The following KCNH2 variants were observed in gnomAD, a reference collection of about 807,000 sequenced individuals.
KCNH2 encodes the protein potassium voltage-gated channel subfamily H member 2, also known as voltage-gated inwardly rectifying potassium channel KCNH2.
In KCNH2, 35 loss-of-function variants were observed where a neutral mutation model predicts 95.9. That is an observed-to-expected ratio of 0.37 (90% CI 0.28 to 0.48). The LOEUF is 0.48. Ranked by LOEUF, KCNH2 falls within the 20% of genes least tolerant of loss-of-function variation. The pLI is 0.99. For synonymous variants in KCNH2, 786 were observed against 754.7 expected (o/e 1.04, Z -0.68); for missense variants, 1,274 against 1,702.9 (o/e 0.75, Z 4.43).
chr7:150,974,705 T>A lies in KCNH2; in HGVS notation c.307+6A>T. 7.4e-7 allele frequency: 1 copy of A among 1,356,344 alleles called. No individual in the cohort carries two copies. The highest frequency in any genetic ancestry group is 9.8e-7 in the Non-Finnish European group (1 of 1,023,834). 84.0% of individuals were successfully genotyped at this position (1,356,344 alleles called of 1,614,324 possible). A position where few individuals can be genotyped will look rare whatever the true frequency, so the allele number is the denominator to read the frequency against. On this transcript the variant is annotated splice_donor_region_variant and intron_variant, in intron 2 of 14. Transcript: ENST00000262186. ...TGGTCGTGGCCCCGCCCCGGCCCGC[T>A]CCTACCATCTTTCCGGTAGAAGGCG...
rs555189954 is a variant in KCNH2, at chr7:150,945,891, A to C, written c.3331-377T>G. On this transcript the variant is annotated intron_variant, in intron 14 of 14. Transcript: ENST00000262186. The surrounding 1 kb of genome is among the most constrained non-coding windows in gnomAD (Gnocchi z 5.6). ...AAGCTGGGACAGAAAAAGAGACAAG[A>C]TTCCTTCCCGCAATCCAGAAAGAAC... Among the ~76,000 whole-genome samples the C allele has an allele frequency of 7.2e-5, 11 of 152,250 alleles. No individual in the cohort carries two copies. The East Asian group carries it at 2.1e-3, about 29-fold the overall frequency.
intron 4 of KCNH2, 75 bp downstream of exon 4, chr7:150,957,984 A>C: frequency 1.7e-6 from 2 of 1,175,112 alleles, no homozygotes; most frequent in Non-Finnish European, 2.2e-6. Context: ...TCAGAAGCCG[A>C]GGGCCCAGAA....
At chr7:150,949,071 G>C in intron 9 of KCNH2, 22 bp from the exon 10 acceptor site, 1 of 1,610,100 alleles carries the variant, frequency 6.2e-7, no homozygotes, top group South Asian at 1.1e-5. Context: ...GGAGAGGACA[G>C]GGAGCTCAGC....
In KCNH2 at chr7:150,945,324, T is replaced by C. The variant is rs1177132275; in HGVS notation, c.*41A>G. The C allele has an allele frequency of 6.4e-7, 1 of 1,567,154 alleles. No homozygotes were observed. Among genetic ancestry groups the C allele is most frequent in the Non-Finnish European group, 8.7e-7 (1 of 1,155,926 alleles). ...CAAGGGGAGCGGCCCAGCAGCGCCTTGATCCCTGGGTGAGCCACGTGTCCA... is the reference window on the plus strand; with the variant it reads ...CAAGGGGAGCGGCCCAGCAGCGCCTCGATCCCTGGGTGAGCCACGTGTCCA... On this transcript the variant is annotated 3_prime_UTR_variant, in exon 15 of 15. Transcript: ENST00000262186. This position sits in a 1 kb window ranked among gnomAD's most constrained non-coding sequence, Gnocchi z 5.6.
rs199472874 is a variant in KCNH2, at chr7:150,958,221, G to T, written c.754C>A (p.Arg252=). The T allele has an allele frequency of 2.2e-6, 3 of 1,371,692 alleles. No homozygotes were observed. The East Asian group carries it at 9.4e-5, about 43-fold the overall frequency. 85.0% of individuals were successfully genotyped at this position (1,371,692 alleles called of 1,614,324 possible). ...GCGTCGGGGTTGAGGCTGTGCGCCC[G>T]GGGCGATGGGAGCTGGCCGGGCGCG... The part of the protein sequence containing the change: ...RSAPGQLPSP[R]AHSLNPDASG... Residue 252 remains arginine (R), a synonymous_variant, in exon 4 of 15, where the codon CGG becomes AGG. Coordinates refer to ENST00000262186, the MANE Select transcript of KCNH2 (RefSeq NM_000238.4).
chr7:150,948,657 G>C, intron 10 of KCNH2, 114 bp from the exon 11 acceptor site: 1 of 1,164,474 alleles, frequency 8.6e-7, no homozygotes, highest in Non-Finnish European at 1.3e-6. Flanking sequence ...CCAGCTCTGG[G>C]AAAACCCTTC....
intron 10 of KCNH2, 118 bp downstream of exon 10, chr7:150,948,738 C>T: frequency 1.8e-6 from 2 of 1,133,274 alleles, no homozygotes; most frequent in Non-Finnish European, 2.6e-6. Context: ...TCTATGATAC[C>T]ATTTGACAGA....
intron 5 of KCNH2, among the ~76,000 whole-genome samples, chr7:150,954,017 C>T (rs980157822): frequency 6.6e-6 from 1 of 152,246 alleles, no homozygotes; most frequent in Non-Finnish European, 1.5e-5. Flanking sequence ...GCTGGGAGAA[C>T]ATCTCCTTAG....
rs199472864 is a variant in KCNH2, at chr7:150,959,622, G to A, written c.422C>T (p.Pro141Leu). The A allele has an allele frequency of 1.0e-4, 167 of 1,614,050 alleles. No individual in the cohort carries two copies. In the Admixed American group the frequency reaches 1.4e-3, roughly 14 times the overall value. Reference protein sequence around the residue: ...VVMEKDMVGSPAHDTNHRGPP... With the variant: ...VVMEKDMVGSLAHDTNHRGPP... ...GCCCCGGTGGTTGGTGTCATGAGCC[G>A]GGGACCCCACCATGTCCTTCTCCAT... The change falls in exon 3 of 15, where the codon CCG (proline) becomes CTG (leucine). Residue 141 changes from proline to leucine, a missense_variant. Physicochemically the swap from Pro to Leu is moderately conservative, Grantham distance 98 (BLOSUM62 -3). Around this residue, in one of 7 missense-constraint regions of KCNH2, gnomAD observed 392 missense variants for 429.9 expected, o/e 0.91. Transcript: ENST00000262186.
At position 150,957,401 on chromosome 7, in the gene KCNH2, A is replaced by T; in HGVS notation, c.1018T>A (p.Phe340Ile). Reference sequence around the variant, plus strand: ...AAGGGGTCGCCCTTGAGGTCCACAAAGTTGAGGGTGATTTGGGGAATCTTG... The same window carrying T: ...AAGGGGTCGCCCTTGAGGTCCACAATGTTGAGGGTGATTTGGGGAATCTTG... ...ISKIPQITLN[F>I]VDLKGDPFLA... The change falls in exon 5 of 15, where the codon TTT becomes ATT. Residue 340 changes from phenylalanine (F) to isoleucine (I), a missense_variant. Transcript: ENST00000262186. 1 of 1,614,196 alleles carries T rather than the reference A, an allele frequency of 6.2e-7. No homozygotes were observed. The highest frequency in any genetic ancestry group is 8.5e-7 in the Non-Finnish European group (1 of 1,180,020).
At position 150,958,244 on chromosome 7, in the gene KCNH2, G is replaced by C. The variant is rs748762712; in HGVS notation, c.731C>G (p.Ala244Gly). The change falls in exon 4 of 15, where the codon GCG becomes GGG. Residue 244 changes from alanine (A) to glycine (G), a missense_variant. This residue lies in a region of KCNH2 where 392 missense variants were observed against 429.9 expected (regional missense o/e 0.91). Coordinates refer to ENST00000262186, the MANE Select transcript of KCNH2 (RefSeq NM_000238.4). ...CCGGGGCGATGGGAGCTGGCCGGGC[G>C]CGCTGCGGGGCGGAGAGCCGGGACC... ...LVGPGSPPRS[A>G]PGQLPSPRAH... The C allele has an allele frequency of 3.2e-5, 45 of 1,405,146 alleles. No individual in the cohort carries two copies. The highest frequency in any genetic ancestry group is 4.1e-5 in the Non-Finnish European group (44 of 1,082,966). The allele number at this position is 1,405,146 out of a possible 1,614,324, so 87.0% of individuals were successfully genotyped here.
Position 150,949,509 on chromosome 7 carries a change from C to T in KCNH2, c.2399-460G>A, listed in dbSNP as rs1801051974. On this transcript the variant is annotated intron_variant, in intron 9 of 14. Coordinates refer to ENST00000262186, the MANE Select transcript of KCNH2 (RefSeq NM_000238.4). ...CTAGAATGAACCACATGCAGTAAGG[C>T]CCAGTGTTATGTAGTGAAACTTTGA... The T allele has an allele frequency of 6.4e-6, 5 of 778,372 alleles. No homozygotes were observed. The South Asian group carries it at 1.6e-4, about 24-fold the overall frequency. The allele number at this position is 778,372 out of a possible 1,614,324, so 48.2% of individuals were successfully genotyped here.
intron 1 of KCNH2, among the ~76,000 whole-genome samples, chr7:150,975,264 C>T (rs1461977837): frequency 6.6e-6 from 1 of 152,152 alleles, no homozygotes; most frequent in African/African-American, 2.4e-5. Flanking sequence ...GTCAGCAACG[C>T]GTGTCAGCAG....
Position 150,952,658 on chromosome 7 carries a change from C to T in KCNH2, c.1324G>A (p.Ala442Thr). ...LLKETEEGPP[A>T]TECGYACQPL... ...TGGCAGGCGTAGCCACACTCGGTAG[C>T]AGGCGGGCCTTCTTCCGTCTCCTTC... Residue 442 changes from alanine to threonine, a missense_variant, in exon 6 of 15, where the codon GCT (alanine) becomes ACT (threonine). By Grantham distance (58) the Ala-to-Thr change is moderately conservative. Around this residue, in one of 7 missense-constraint regions of KCNH2, gnomAD observed 147 missense variants for 344.4 expected, o/e 0.43. Transcript: ENST00000262186. This position sits in a 1 kb window ranked among gnomAD's most constrained non-coding sequence, Gnocchi z 7.3. The T allele has an allele frequency of 6.2e-7, 1 of 1,614,202 alleles. No homozygotes were observed. Among genetic ancestry groups the T allele is most frequent in the Non-Finnish European group, 8.5e-7 (1 of 1,180,030 alleles).
At chr7:150,955,307 T>G in intron 5 of KCNH2, 1 of 1,319,816 alleles carries the variant, frequency 7.6e-7, no homozygotes. Flanking sequence ...AGCAGCCCTC[T>G]CCCCAGCCTG....
rs199473009 is a variant in KCNH2, at chr7:150,947,800, C to A, written c.2771G>T (p.Gly924Val). The A allele has an allele frequency of 2.0e-6, 3 of 1,530,568 alleles. No individual in the cohort carries two copies. Among genetic ancestry groups the A allele is most frequent in the Non-Finnish European group, 2.6e-6 (3 of 1,143,600 alleles). The allele number at this position is 1,530,568 out of a possible 1,614,324, so 94.8% of individuals were successfully genotyped here. A position where few individuals can be genotyped will look rare whatever the true frequency, so the allele number is the denominator to read the frequency against. Residue 924 changes from glycine to valine, a missense_variant, in exon 12 of 15, where the codon GGG (glycine) becomes GTG (valine). Physicochemically the swap from Gly to Val is moderately radical, Grantham distance 109. Transcript: ENST00000262186. The part of the protein sequence containing the change: ...GAGPSSRGRP[G>V]GPWGESPSSG... ...GGACGGGCTCTCCCCCCACGGCCCC[C>A]CCGGCCGGCCCCGGCTACTCGGCCC...
chr7:150,951,429 C>T lies in KCNH2; in HGVS notation c.1945+19G>A, dbSNP rs758890678. On this transcript the variant is annotated intron_variant, in intron 7 of 14. Coordinates refer to ENST00000262186, the MANE Select transcript of KCNH2 (RefSeq NM_000238.4). ...TCCACCGTGGGCTCTCCCCGCCGCC[C>T]GCCCCTGGGCACACTCACAGCCAAT... The T allele has an allele frequency of 3.7e-6, 6 of 1,613,502 alleles. No homozygotes were observed. The highest frequency in any genetic ancestry group is 1.1e-5 in the South Asian group (1 of 91,064).
chr7:150,951,907 C>A, intron 6 of KCNH2, 72 bp from the exon 7 acceptor site: 5 of 1,410,552 alleles, frequency 3.5e-6, no homozygotes, highest in Middle Eastern at 2.1e-4. Context: ...GGTGCTGCGG[C>A]CCTCAGAGCG....
intron 2 of KCNH2, among the ~76,000 whole-genome samples, chr7:150,968,133 G>A (rs964791438): frequency 1.3e-5 from 2 of 152,346 alleles, no homozygotes; most frequent in Middle Eastern, 3.4e-3. Flanking sequence ...ATAATGTCGA[G>A]AGTGGCCAAG....
Sources: allele counts gnomAD v4.1 joint callset (sites outside exome capture counted in the v4.1 genomes callset), GRCh38; gene constraint gnomAD v4.1.1; regional missense constraint gnomAD v4.1.1; non-coding constraint Gnocchi (gnomAD v3.1); transcripts MANE v1.5; gene names NCBI Gene and HGNC (gene_info 2026-07-23, HGNC 2026-07-21).